EBF1: variants seen among roughly 807,000 people sequenced by gnomAD.
EBF1 encodes the protein EBF transcription factor 1, also known as transcription factor COE1.
EBF1 carries 10 observed loss-of-function variants against 68.4 expected under a neutral mutation model. The ratio of observed to expected loss-of-function variants is 0.15; its 90% CI spans 0.09 to 0.25. The LOEUF (loss-of-function observed/expected upper bound fraction) is 0.25. Among genes scored for constraint, EBF1 ranks in the 10% least tolerant of loss-of-function variants. EBF1 has a pLI of 1.00. For missense variants in EBF1, 509 were observed against 794.4 expected (o/e 0.64, Z 4.32); for synonymous variants, 298 against 299.8 (o/e 0.99, Z 0.06).
At chr5:159,032,802 C>T (rs1005695299) in intron 6 of EBF1, among the ~76,000 whole-genome samples, 6 of 152,158 alleles carry the variant, frequency 3.9e-5, no homozygotes, top group Admixed American at 6.5e-5. Context: ...ATGTATTTTG[C>T]TCAGTGCTTA....
At chr5:159,080,461 A>C (rs1779564827) in intron 5 of EBF1, among the ~76,000 whole-genome samples, 1 of 152,198 alleles carries the variant, frequency 6.6e-6, no homozygotes, top group Non-Finnish European at 1.5e-5. Context: ...AGTAGGTGCT[A>C]AAAGAATAAA....
Position 158,868,924 on chromosome 5 carries a change from AC to A in EBF1, c.555-28815del, listed in dbSNP as rs1582737942. 2.6e-5 allele frequency among the ~76,000 whole-genome samples: 4 copies of A among 152,344 alleles called. No homozygotes were observed. The East Asian group carries it at 5.8e-4, about 22-fold the overall frequency. On this transcript the variant is annotated intron_variant, in intron 6 of 15. Coordinates refer to ENST00000313708, the MANE Select transcript of EBF1 (RefSeq NM_024007.5). ...GATTCAAAATGACTTCATAGAATCA[AC>A]TAACAGCAATCGAAGGAGGTTTCAT...
chr5:159,016,490 T>C (rs1017140725), intron 6 of EBF1, among the ~76,000 whole-genome samples: 9 of 152,220 alleles, frequency 5.9e-5, no homozygotes, highest in African/African-American at 1.9e-4. Context: ...AAAATGTGAC[T>C]CCAATGATAA....
At chr5:158,997,006 T>G (rs1253748634) in intron 6 of EBF1, among the ~76,000 whole-genome samples, 10 of 152,006 alleles carry the variant, frequency 6.6e-5, no homozygotes, top group Admixed American at 6.6e-4. Context: ...CTGGCTCTGA[T>G]CCAAATCTCA....
rs1756207884 is a variant in EBF1 at position 158,699,055 on chromosome 5, A to C, written c.*56T>G. On this transcript the variant is annotated 3_prime_UTR_variant, in exon 16 of 16. Transcript: ENST00000313708. Reference sequence around the variant, plus strand: ...TCCACTCTGGGACTTGTATCAGATTACTCTCTGTAGCAGAATCCAACCTCT... The same window carrying C: ...TCCACTCTGGGACTTGTATCAGATTCCTCTCTGTAGCAGAATCCAACCTCT... 3.0e-5 allele frequency: 46 copies of C among 1,512,246 alleles called. No individual in the cohort carries two copies. Among genetic ancestry groups the C allele is most frequent in the Non-Finnish European group, 4.0e-5 (45 of 1,118,556 alleles). The allele number at this position is 1,512,246 out of a possible 1,614,324, so 93.7% of individuals were successfully genotyped here.
At chr5:159,076,516 A>T (rs888706601) in intron 5 of EBF1, among the ~76,000 whole-genome samples, 17 of 152,330 alleles carry the variant, frequency 1.1e-4, no homozygotes, top group Middle Eastern at 3.4e-3. Context: ...GGACCCAGGG[A>T]AATAGGCAGA....
intron 6 of EBF1, among the ~76,000 whole-genome samples, chr5:159,050,844 T>C (rs1311478726): frequency 6.6e-6 from 1 of 152,196 alleles, no homozygotes; most frequent in Non-Finnish European, 1.5e-5. Flanking sequence ...GTGCCTGTGC[T>C]CTTTTTAATT....
At chr5:158,749,347 C>T (rs1768261021) in intron 10 of EBF1, among the ~76,000 whole-genome samples, 1 of 152,116 alleles carries the variant, frequency 6.6e-6, no homozygotes, top group Admixed American at 6.6e-5. Flanking sequence ...ATATGCAATG[C>T]CATCTCTTTA....
At chr5:158,989,197 T>A (rs1021822643) in intron 6 of EBF1, among the ~76,000 whole-genome samples, 4 of 152,208 alleles carry the variant, frequency 2.6e-5, no homozygotes, top group Non-Finnish European at 4.4e-5. Flanking sequence ...AGCGACAGTC[T>A]GTACCTCTCT....
chr5:158,870,349 G>A (rs1485145296), intron 6 of EBF1, among the ~76,000 whole-genome samples: 1 of 152,074 alleles, frequency 6.6e-6, no homozygotes, highest in Non-Finnish European at 1.5e-5. Flanking sequence ...TATAGACTGT[G>A]GATGACATTA....
intron 6 of EBF1, among the ~76,000 whole-genome samples, chr5:159,062,079 C>T (rs62385435): frequency 6.6e-6 from 1 of 152,134 alleles, no homozygotes; most frequent in Non-Finnish European, 1.5e-5. Context: ...GCGCTATCTG[C>T]CTTTAACAGG....
intron 14 of EBF1, among the ~76,000 whole-genome samples, chr5:158,709,758 C>T (rs992044387): frequency 6.6e-6 from 1 of 152,192 alleles, no homozygotes; most frequent in Non-Finnish European, 1.5e-5. Context: ...TTATACATCT[C>T]TTAGGATTTG....
At chr5:158,919,581 AT>A (rs902226866) in intron 6 of EBF1, among the ~76,000 whole-genome samples, 1 of 152,152 alleles carries the variant, frequency 6.6e-6, no homozygotes, top group Non-Finnish European at 1.5e-5. Flanking sequence ...AACGGTGCTC[AT>A]TTTTTTGAAT....
chr5:158,698,641 CTT>C lies in EBF1; in HGVS notation c.*468_*469del, dbSNP rs151060696. ...GCATTCCTATTCTGTCCCATACAAG[CTT>C]TTTTTTTTTTCCTTTTTTTCTTTTT... On this transcript the variant is annotated 3_prime_UTR_variant, in exon 16 of 16. Transcript: ENST00000313708. The C allele has an allele frequency of 0.014, 2,410 of 166,246 alleles. 2 individuals carry two copies. Among genetic ancestry groups the C allele is most frequent in the East Asian group, 0.067 (593 of 8,874 alleles). The allele number at this position is 166,246 out of a possible 1,614,324, so 10.3% of individuals were successfully genotyped here. A position where few individuals can be genotyped will look rare whatever the true frequency, so the allele number is the denominator to read the frequency against.
At chr5:158,915,683 G>T (rs967356226) in intron 6 of EBF1, among the ~76,000 whole-genome samples, 2 of 152,202 alleles carry the variant, frequency 1.3e-5, no homozygotes, top group African/African-American at 2.4e-5. Flanking sequence ...TTCACGGAGG[G>T]AGACAAGGAG....
At chr5:158,985,552 T>C (rs1272135829) in intron 6 of EBF1, among the ~76,000 whole-genome samples, 1 of 152,256 alleles carries the variant, frequency 6.6e-6, no homozygotes, top group Admixed American at 6.5e-5. Flanking sequence ...TGAGGCTTAA[T>C]ATTGCATTCA....
chr5:158,753,073 C>A (rs906435252), intron 10 of EBF1, among the ~76,000 whole-genome samples: 3 of 151,918 alleles, frequency 2.0e-5, no homozygotes, highest in Non-Finnish European at 4.4e-5. Context: ...AGAAAAGATG[C>A]CTTACAAAAT....
At chr5:158,959,173 C>A (rs11135050) in intron 6 of EBF1, among the ~76,000 whole-genome samples, 41,815 of 152,050 alleles carry the variant, frequency 0.28, 6,207 homozygotes, top group South Asian at 0.52. Flanking sequence ...ATTGTAATAA[C>A]CATTTGCCCA....
At chr5:158,945,090 T>G (rs896909346) in intron 6 of EBF1, among the ~76,000 whole-genome samples, 1 of 152,254 alleles carries the variant, frequency 6.6e-6, no homozygotes, top group African/African-American at 2.4e-5. Context: ...ATCCCATTTG[T>G]CAATGTTGGC....
Sources: allele counts gnomAD v4.1 joint callset (sites outside exome capture counted in the v4.1 genomes callset), GRCh38; gene constraint gnomAD v4.1.1; transcripts MANE v1.5; gene names NCBI Gene and HGNC (gene_info 2026-07-23, HGNC 2026-07-21).